SERPINH1: variants seen among roughly 807,000 people sequenced by gnomAD.
SERPINH1 encodes the protein serpin family H member 1.
Under a neutral mutation model 32.3 loss-of-function variants are expected in SERPINH1, and 22 were observed. The ratio of observed to expected loss-of-function variants is 0.68; its 90% confidence interval spans 0.49 to 0.97. The LOEUF (loss-of-function observed/expected upper bound fraction) is 0.97. Among genes scored for constraint, SERPINH1 ranks in the 50% least tolerant of loss-of-function variants. The pLI is 0.00. For missense variants in SERPINH1, 543 were observed against 576.4 expected (o/e 0.94, Z 0.59); for synonymous variants, 251 against 245.9 (o/e 1.02, Z -0.19).
At chr11:75,564,827 C>T (rs1166318292) in intron 1 of SERPINH1, among the ~76,000 whole-genome samples, 1 of 152,166 alleles carries the variant, frequency 6.6e-6, no homozygotes, top group Non-Finnish European at 1.5e-5. Flanking sequence ...GGGAGGCAGT[C>T]CCGGGAGATG....
In SERPINH1 at chr11:75,567,074, A is replaced by G. The variant is rs1354103814; in HGVS notation, c.622+103A>G. The G allele has an allele frequency of 5.4e-6, 7 of 1,307,794 alleles. No individual in the cohort carries two copies. In the African/African-American group the frequency reaches 5.8e-5, roughly 11 times the overall value. The allele number at this position is 1,307,794 out of a possible 1,614,324, so 81.0% of individuals were successfully genotyped here. A position where few individuals can be genotyped will look rare whatever the true frequency, so the allele number is the denominator to read the frequency against. On this transcript the variant is annotated intron_variant, in intron 2 of 4. Transcript: ENST00000358171. Reference sequence around the variant, plus strand: ...CTCCATTCTTCACTGCCTCTCATTTATGCTGTGACAACCCAGGGAGGCAGG... The same window carrying G: ...CTCCATTCTTCACTGCCTCTCATTTGTGCTGTGACAACCCAGGGAGGCAGG...
At chr11:75,571,727 G>A (rs867140200) in intron 4 of SERPINH1, 54 bp from the exon 5 acceptor site, 33 of 1,554,040 alleles carry the variant, frequency 2.1e-5, no homozygotes, top group Middle Eastern at 1.7e-4. Flanking sequence ...GGGTTTGAGG[G>A]TGGAGGAGCC....
intron 1 of SERPINH1, among the ~76,000 whole-genome samples, chr11:75,564,987 G>A (rs1942048371): frequency 6.6e-6 from 1 of 152,254 alleles, no homozygotes; most frequent in South Asian, 2.1e-4. Context: ...ATCTACCAGA[G>A]CAGTGGGATC....
intron 4 of SERPINH1, among the ~76,000 whole-genome samples, chr11:75,570,975 C>A (rs775638822): frequency 6.6e-6 from 1 of 152,012 alleles, no homozygotes; most frequent in African/African-American, 2.4e-5. Flanking sequence ...TGGGGTGGGG[C>A]GTGCCAAGGG....
intron 2 of SERPINH1, 139 bp from the exon 3 acceptor site, chr11:75,568,591 TC>T: frequency 1.4e-6 from 1 of 702,948 alleles, no homozygotes; most frequent in Non-Finnish European, 2.6e-6. Context: ...GGCTGGGTGC[TC>T]TATAGCTGGG....
Position 75,571,822 on chromosome 11 carries a change from G to C in SERPINH1, c.996G>C (p.Lys332Asn), listed in dbSNP as rs147936395. The change falls in exon 5 of 5, where the codon AAG becomes AAC. Residue 332 changes from lysine to asparagine, a missense_variant. Physicochemically the swap from Lys to Asn is moderately conservative, Grantham distance 94 (BLOSUM62 0). Transcript: ENST00000358171. Reference sequence around the variant, plus strand: ...TGGGCCTGACTGAGGCCATTGACAAGAACAAGGCCGACTTGTCACGCATGT... The same window carrying C: ...TGGGCCTGACTGAGGCCATTGACAACAACAAGGCCGACTTGTCACGCATGT... The part of the protein sequence containing the change: ...AGLGLTEAID[K>N]NKADLSRMSG... 35 of 1,613,988 alleles carry C rather than the reference G, an allele frequency of 2.2e-5. No individual in the cohort carries two copies. The highest frequency in any genetic ancestry group is 2.9e-5 in the Non-Finnish European group (34 of 1,180,046).
Position 75,572,161 on chromosome 11 carries a change from G to C in SERPINH1, c.*78G>C. 1 of 1,428,770 alleles carries C rather than the reference G, an allele frequency of 7.0e-7. No individual in the cohort carries two copies. Among genetic ancestry groups the C allele is most frequent in the Non-Finnish European group, 9.7e-7 (1 of 1,026,258 alleles). The allele number at this position is 1,428,770 out of a possible 1,614,324, so 88.5% of individuals were successfully genotyped here. The stretch of plus-strand genomic sequence containing the variant: ...CATGGGTGCTATTGGGGTTGGGGGG[G>C]AGGTGAGGTACCAGCCTTGGATACT... On this transcript the variant is annotated 3_prime_UTR_variant, in exon 5 of 5. Transcript: ENST00000358171.
At position 75,566,800 on chromosome 11, in the gene SERPINH1, A is replaced by G; in HGVS notation, c.451A>G (p.Lys151Glu). Reference sequence around the variant, plus strand: ...CGCTGATGACTTCGTGCGCAGCAGCAAGCAGCACTACAACTGCGAGCACTC... The same window carrying G: ...CGCTGATGACTTCGTGCGCAGCAGCGAGCAGCACTACAACTGCGAGCACTC... ...SFADDFVRSSKQHYNCEHSKI... is the reference protein window; with the variant it reads ...SFADDFVRSSEQHYNCEHSKI... The change falls in exon 2 of 5, where the codon AAG becomes GAG. Residue 151 changes from lysine (K) to glutamate (E), a missense_variant. This residue lies in a region of SERPINH1 where 427 missense variants were observed against 446.4 expected (regional missense o/e 0.96). Coordinates refer to ENST00000358171, the MANE Select transcript of SERPINH1 (RefSeq NM_001235.5). The G allele has an allele frequency of 6.2e-7, 1 of 1,613,262 alleles. No individual in the cohort carries two copies. Among genetic ancestry groups the G allele is most frequent in the Non-Finnish European group, 8.5e-7 (1 of 1,179,982 alleles).
At chr11:75,566,249 C>A in intron 1 of SERPINH1, 67 bp from the exon 2 acceptor site, 1 of 1,399,712 alleles carries the variant, frequency 7.1e-7, no homozygotes, top group Non-Finnish European at 9.9e-7. Context: ...AGCCAGAGAG[C>A]TGAGGGTGGT....
intron 2 of SERPINH1, chr11:75,568,122 C>G (rs1942122224): frequency 6.1e-6 from 1 of 165,046 alleles, no homozygotes; most frequent in Non-Finnish European, 1.3e-5. Context: ...GATGGCGAAA[C>G]CCCATGTCTA....
In SERPINH1 at chr11:75,572,200, G is replaced by A. The variant is rs184623179; in HGVS notation, c.*117G>A. The A allele has an allele frequency of 4.3e-4, 435 of 1,022,282 alleles. 3 individuals carry two copies. The African/African-American group carries it at 5.9e-3, about 14-fold the overall frequency. The allele number at this position is 1,022,282 out of a possible 1,614,324, so 63.3% of individuals were successfully genotyped here. On this transcript the variant is annotated 3_prime_UTR_variant, in exon 5 of 5. Transcript: ENST00000358171. The stretch of plus-strand genomic sequence containing the variant: ...GCCTTGGATACTCCATGGGGTGGGG[G>A]TGGAAAAACAGACCGGGGTTCCCGT...
intron 4 of SERPINH1, among the ~76,000 whole-genome samples, chr11:75,569,692 G>A (rs1299036497): frequency 1.3e-5 from 2 of 152,236 alleles, no homozygotes; most frequent in African/African-American, 4.8e-5. Context: ...CAAAGTGCTG[G>A]GATTACAGGT....
chr11:75,568,418 C>T, intron 2 of SERPINH1: 2 of 439,618 alleles, frequency 4.5e-6, no homozygotes, highest in Non-Finnish European at 4.2e-6. Flanking sequence ...AAATATCTGA[C>T]AAGTGCTAGA....
rs1346770501 is a variant in SERPINH1 at position 75,566,444 on chromosome 11, C to G, written c.95C>G (p.Thr32Ser). 1.2e-6 allele frequency: 2 copies of G among 1,612,150 alleles called. No individual in the cohort carries two copies. The highest frequency in any genetic ancestry group is 1.7e-6 in the Non-Finnish European group (2 of 1,179,808). ...KKPAAAAAPGTAEKLSPKAAT... is the reference protein window; with the variant it reads ...KKPAAAAAPGSAEKLSPKAAT... ...CCTGCAGCCGCAGCAGCTCCTGGCACTGCGGAGAAGTTGAGCCCCAAGGCG... is the reference window on the plus strand; with the variant it reads ...CCTGCAGCCGCAGCAGCTCCTGGCAGTGCGGAGAAGTTGAGCCCCAAGGCG... The change falls in exon 2 of 5, where the codon ACT (threonine) becomes AGT (serine). Residue 32 changes from threonine to serine, a missense_variant. Transcript: ENST00000358171.
intron 4 of SERPINH1, among the ~76,000 whole-genome samples, chr11:75,570,383 GTC>G (rs2135556321): frequency 6.6e-6 from 1 of 152,258 alleles, no homozygotes; most frequent in African/African-American, 2.4e-5. Context: ...AGGGGTCACT[GTC>G]TCTCTCCTGG....
rs1565241318 is a variant in SERPINH1 at position 75,566,493 on chromosome 11, C to T, written c.144C>T (p.Ala48=). The T allele has an allele frequency of 1.2e-6, 2 of 1,612,406 alleles. No homozygotes were observed. The highest frequency in any genetic ancestry group is 1.1e-5 in the South Asian group (1 of 90,976). ...CGGCCACGCTTGCCGAGCGCAGCGC[C>T]GGCCTGGCCTTCAGCTTGTACCAGG... ...PKAATLAERS[A]GLAFSLYQAM... Residue 48 remains alanine, a synonymous_variant, in exon 2 of 5, where the codon GCC becomes GCT. Transcript: ENST00000358171.
rs1284168876 is a variant in SERPINH1 at position 75,572,215 on chromosome 11, G to A, written c.*132G>A. On this transcript the variant is annotated 3_prime_UTR_variant, in exon 5 of 5. Coordinates refer to ENST00000358171, the MANE Select transcript of SERPINH1 (RefSeq NM_001235.5). ...TGGGGTGGGGGTGGAAAAACAGACC[G>A]GGGTTCCCGTGTGCCTGAGCGGACC... 8 of 880,490 alleles carry A rather than the reference G, an allele frequency of 9.1e-6. No individual in the cohort carries two copies. In the Admixed American group the frequency reaches 1.2e-4, roughly 13 times the overall value. 54.5% of individuals were successfully genotyped at this position (880,490 alleles called of 1,614,324 possible). A position where few individuals can be genotyped will look rare whatever the true frequency, so the allele number is the denominator to read the frequency against.
chr11:75,567,440 G>A (rs976153901), intron 2 of SERPINH1, among the ~76,000 whole-genome samples: 12 of 152,222 alleles, frequency 7.9e-5, no homozygotes, highest in African/African-American at 2.9e-4. Context: ...TCCTGCCTCA[G>A]CCTCCTGAGT....
rs1942205115 is a variant in SERPINH1, at chr11:75,571,993, C to T, written c.1167C>T (p.Ile389=). ...PKLFYADHPF[I]FLVRDTQSGS... ...TGTTCTACGCCGACCACCCCTTCAT[C>T]TTCCTAGTGCGGGACACCCAAAGCG... Residue 389 remains isoleucine, a synonymous_variant, in exon 5 of 5, where the codon ATC becomes ATT. Coordinates refer to ENST00000358171, the MANE Select transcript of SERPINH1 (RefSeq NM_001235.5). The T allele has an allele frequency of 6.2e-7, 1 of 1,614,230 alleles. No homozygotes were observed. The highest frequency in any genetic ancestry group is 8.5e-7 in the Non-Finnish European group (1 of 1,180,034).
Sources: gnomAD v4.1 joint callset for allele counts (sites outside exome capture counted in the v4.1 genomes callset) on GRCh38, gnomAD v4.1.1 for gene constraint, gnomAD v4.1.1 regional missense constraint, MANE v1.5 for transcripts, NCBI Gene and HGNC (gene_info 2026-07-23, HGNC 2026-07-21) for gene names.